SPATA13: variants seen among roughly 807,000 people sequenced by gnomAD.
The protein encoded by SPATA13 is spermatogenesis associated 13.
A neutral mutation model predicts 104.0 loss-of-function variants in SPATA13; 50 were observed. The observed-to-expected ratio is 0.48, with a 90% confidence interval of 0.38 to 0.61. SPATA13 has a LOEUF of 0.61. Ranked by LOEUF, SPATA13 falls within the 20% of genes least tolerant of loss-of-function variation. SPATA13 has a pLI of 0.00. For missense variants in SPATA13, 1,524 were observed against 1,690.6 expected, an observed-to-expected ratio of 0.90 and a Z score of 1.73; for synonymous variants, 606 against 667.5, an observed-to-expected ratio of 0.91 and a Z score of 1.42.
At chr13:24,176,667 A>G (rs1405033987) in intron 1 of SPATA13, among the ~76,000 whole-genome samples, 1 of 152,164 alleles carries the variant, frequency 6.6e-6, no homozygotes, top group African/African-American at 2.4e-5. Flanking sequence ...CATTGAATTT[A>G]CTGTGTTTTC....
intron 2 of SPATA13, among the ~76,000 whole-genome samples, chr13:24,006,008 C>T (rs1255949582): frequency 6.6e-6 from 1 of 152,226 alleles, no homozygotes; most frequent in Non-Finnish European, 1.5e-5. Context: ...TAGGAGACAT[C>T]CCCTGAGAAG....
At chr13:24,046,890 C>T (rs547868665) in intron 3 of SPATA13, among the ~76,000 whole-genome samples, 142 of 152,186 alleles carry the variant, frequency 9.3e-4, no homozygotes, top group Admixed American at 2.4e-3. Context: ...ACTGAGACAG[C>T]GGTATTGCAG....
intron 1 of SPATA13, among the ~76,000 whole-genome samples, chr13:23,981,600 C>G (rs1378762834): frequency 1.3e-5 from 2 of 152,206 alleles, no homozygotes; most frequent in African/African-American, 4.8e-5. Flanking sequence ...CTCAGGTACA[C>G]AGACCACAGC....
Position 24,011,480 on chromosome 13 carries a change from TG to T in SPATA13, c.-146-6186del, listed in dbSNP as rs928859103. ...AGGTGGTTGAGAGTGTCCCTGCTGG[TG>T]AGGACAGAACCTGGAATTCTGTTGC... On this transcript the variant is annotated intron_variant, in intron 2 of 14. Coordinates refer to the SPATA13 transcript ENST00000424834. This position sits in a 1 kb window ranked among gnomAD's most constrained non-coding sequence, Gnocchi z 4.3. 2.0e-5 allele frequency among the ~76,000 whole-genome samples: 3 copies of T among 152,106 alleles called. No homozygotes were observed. The highest frequency in any genetic ancestry group is 4.4e-5 in the Non-Finnish European group (3 of 68,000).
chr13:24,286,358 G>A lies in SPATA13; in HGVS notation c.2446G>A (p.Asp816Asn). 1 of 1,612,910 alleles carries A rather than the reference G, an allele frequency of 6.2e-7. No individual in the cohort carries two copies. The highest frequency in any genetic ancestry group is 8.5e-7 in the Non-Finnish European group (1 of 1,180,016). Residue 816 changes from aspartate (D) to asparagine (N), a missense_variant, in exon 6 of 13, where the codon GAT becomes AAT. Coordinates refer to ENST00000382108, the MANE Select transcript of SPATA13 (RefSeq NM_001166271.3). This position sits in a 1 kb window ranked among gnomAD's most constrained non-coding sequence, Gnocchi z 4.9. ...NKDWWWGRSE[D>N]KEAWFPASFV... ...GGACTGGTGGTGGGGCCGCAGTGAAGATAAGGAAGCCTGGTTCCCCGCGAG... is the reference window on the plus strand; with the variant it reads ...GGACTGGTGGTGGGGCCGCAGTGAAAATAAGGAAGCCTGGTTCCCCGCGAG...
In SPATA13 at chr13:24,231,352, A is replaced by G. The variant is rs555739873; in HGVS notation, c.1653+6770A>G. Among the ~76,000 whole-genome samples the G allele has an allele frequency of 2.0e-5, 3 of 152,262 alleles. No individual in the cohort carries two copies. The South Asian group carries it at 6.2e-4, about 32-fold the overall frequency. On this transcript the variant is annotated intron_variant, in intron 2 of 12. Coordinates refer to ENST00000382108, the MANE Select transcript of SPATA13 (RefSeq NM_001166271.3). The stretch of plus-strand genomic sequence containing the variant: ...CATTTCATAGAAATGGAATCCTGTA[A>G]TACGTGGTCTTTTGTGACTGGCTTC...
chr13:24,169,943 G>A (rs767701011), intron 1 of SPATA13, among the ~76,000 whole-genome samples: 3 of 152,330 alleles, frequency 2.0e-5, no homozygotes, highest in Non-Finnish European at 4.4e-5. Context: ...TCTTGGAGGA[G>A]AAAGCAAGAA....
rs746907116 is a variant in SPATA13, at chr13:24,285,099, G to T, written c.2301+828G>T. ...GAGCATAACTCCTTAGTGAGTCAGCGTCTTTACTGAGATGGCCAGTGATGT... is the reference window on the plus strand; with the variant it reads ...GAGCATAACTCCTTAGTGAGTCAGCTTCTTTACTGAGATGGCCAGTGATGT... On this transcript the variant is annotated intron_variant, in intron 5 of 12. Transcript: ENST00000382108. Among the ~76,000 whole-genome samples, 150 of 152,068 alleles carry T rather than the reference G, an allele frequency of 9.9e-4. 1 individual carries two copies. Among genetic ancestry groups the T allele is most frequent in the Non-Finnish European group, 9.6e-4 (65 of 68,028 alleles).
chr13:24,305,919 G>A lies in SPATA13; in HGVS notation c.*3146G>A, dbSNP rs545328100. 1 of 152,354 alleles carries A rather than the reference G, an allele frequency of 6.6e-6. No individual in the cohort carries two copies. Among genetic ancestry groups the A allele is most frequent in the Admixed American group, 6.5e-5 (1 of 15,306 alleles). 9.4% of individuals were successfully genotyped at this position (152,354 alleles called of 1,614,324 possible). A position where few individuals can be genotyped will look rare whatever the true frequency, so the allele number is the denominator to read the frequency against. ...TGAATGTTTGCAGAATCCTGGAGCA[G>A]TAGATTTCTTTGTCTTTGGCCTGCG... On this transcript the variant is annotated 3_prime_UTR_variant, in exon 13 of 13. Transcript: ENST00000382108.
At chr13:24,244,433 C>T (rs1873007988) in intron 2 of SPATA13, among the ~76,000 whole-genome samples, 1 of 152,194 alleles carries the variant, frequency 6.6e-6, no homozygotes, top group Non-Finnish European at 1.5e-5. Flanking sequence ...TTTGCTTTCA[C>T]TGTGGTTTCA....
At chr13:24,248,641 T>C (rs561486643) in intron 2 of SPATA13, among the ~76,000 whole-genome samples, 1 of 152,294 alleles carries the variant, frequency 6.6e-6, no homozygotes, top group African/African-American at 2.4e-5. Context: ...GCTCGCCCCA[T>C]CAGACTGCTG....
chr13:24,189,982 AATAAT>A (rs1869512803), intron 1 of SPATA13, among the ~76,000 whole-genome samples: 2 of 91,512 alleles, frequency 2.2e-5, no homozygotes, highest in African/African-American at 4.5e-5. Flanking sequence ...ATATTATATA[AATAAT>A]TATATAACAT....
At chr13:23,981,282 T>C (rs1874881079) in intron 1 of SPATA13, among the ~76,000 whole-genome samples, 1 of 151,720 alleles carries the variant, frequency 6.6e-6, no homozygotes. Flanking sequence ...AAAAAAAAAA[T>C]GTCAAGGGGT....
chr13:24,065,542 C>T (rs563036965), intron 3 of SPATA13, among the ~76,000 whole-genome samples: 3 of 152,084 alleles, frequency 2.0e-5, no homozygotes, highest in South Asian at 2.1e-4. Context: ...TTCAAGACAG[C>T]GTGGCATATA....
intron 3 of SPATA13, among the ~76,000 whole-genome samples, chr13:24,078,234 G>A (rs1007077472): frequency 1.3e-5 from 2 of 152,126 alleles, no homozygotes; most frequent in Non-Finnish European, 2.9e-5. Flanking sequence ...TACCAAGCAG[G>A]ATCAAGAGAG....
At chr13:24,263,676 GA>G (rs566242771) in intron 4 of SPATA13, among the ~76,000 whole-genome samples, 122 of 152,248 alleles carry the variant, frequency 8.0e-4, no homozygotes, top group Middle Eastern at 3.4e-3. Context: ...ATAGTTACAA[GA>G]AAAAAAGTCT....
At chr13:24,187,874 T>G (rs1425245542) in intron 1 of SPATA13, among the ~76,000 whole-genome samples, 3 of 152,122 alleles carry the variant, frequency 2.0e-5, no homozygotes, top group Non-Finnish European at 4.4e-5. Context: ...AACCTCTAAG[T>G]GTTCAAGTGA....
chr13:24,106,097 A>C (rs965835328), intron 3 of SPATA13, among the ~76,000 whole-genome samples: 3 of 152,140 alleles, frequency 2.0e-5, no homozygotes, highest in African/African-American at 7.2e-5. Flanking sequence ...GCAGTGGCAC[A>C]ATCATGGCTC....
rs1877481823 is a variant in SPATA13, at chr13:24,304,960, G to A, written c.*2187G>A. Reference sequence around the variant, plus strand: ...ATATATGTTGGAAACTACTTAATATGCTTTTCCTGCACACCTTAGCAATAA... The same window carrying A: ...ATATATGTTGGAAACTACTTAATATACTTTTCCTGCACACCTTAGCAATAA... On this transcript the variant is annotated 3_prime_UTR_variant, in exon 13 of 13. Transcript: ENST00000382108. 1 of 152,164 alleles carries A rather than the reference G, an allele frequency of 6.6e-6. No homozygotes were observed. Among genetic ancestry groups the A allele is most frequent in the East Asian group, 1.9e-4 (1 of 5,206 alleles). 9.4% of individuals were successfully genotyped at this position (152,164 alleles called of 1,614,324 possible).
Sources: allele counts gnomAD v4.1 joint callset (sites outside exome capture counted in the v4.1 genomes callset), GRCh38; gene constraint gnomAD v4.1.1; non-coding constraint Gnocchi (gnomAD v3.1); transcripts MANE v1.5; gene names NCBI Gene and HGNC (gene_info 2026-07-23, HGNC 2026-07-21).